Variants in RUSF1 observed in about 807,000 individuals in gnomAD.
The protein encoded by RUSF1 is RUS family member 1.
A neutral mutation model predicts 63.0 loss-of-function variants in RUSF1; 58 were observed. The observed-to-expected ratio is 0.92, with a 90% CI of 0.75 to 1.15. The LOEUF is 1.15. RUSF1 is among the 50% of genes most tolerant of loss of function. RUSF1 has a pLI of 0.00. For missense variants in RUSF1, 652 were observed against 611.0 expected, an observed-to-expected ratio of 1.07 and a Z score of -0.71; for synonymous variants, 274 against 255.8, an observed-to-expected ratio of 1.07 and a Z score of -0.68.
intron 6 of RUSF1, among the ~76,000 whole-genome samples, chr16:31,494,955 T>C (rs1422749596): frequency 6.6e-6 from 1 of 152,208 alleles, no homozygotes; most frequent in African/African-American, 2.4e-5. Flanking sequence ...ATAACAGGCA[T>C]GAGCTGGAAT....
At chr16:31,507,312 C>A (rs1338212478) in intron 2 of RUSF1, among the ~76,000 whole-genome samples, 4 of 152,192 alleles carry the variant, frequency 2.6e-5, no homozygotes, top group African/African-American at 7.2e-5. Flanking sequence ...TTATTTACAG[C>A]ATCATCTGGT....
At chr16:31,498,676 G>GC (rs1368212622) in intron 5 of RUSF1, among the ~76,000 whole-genome samples, 1 of 152,050 alleles carries the variant, frequency 6.6e-6, no homozygotes, top group Non-Finnish European at 1.5e-5. Context: ...CTTGAGCCCC[G>GC]CGTGTCCCCC....
At chr16:31,499,436 G>C in intron 4 of RUSF1, 29 bp from the exon 5 acceptor site, 4 of 1,613,500 alleles carry the variant, frequency 2.5e-6, no homozygotes, top group Non-Finnish European at 3.4e-6. Context: ...TTAGAGGTCA[G>C]AGGTAGGAGA....
At position 31,492,117 on chromosome 16, in the gene RUSF1, T is replaced by C. The variant is rs906073748; in HGVS notation, c.1232-31A>G. 3.1e-6 allele frequency: 5 copies of C among 1,614,038 alleles called. No individual in the cohort carries two copies. The East Asian group carries it at 1.1e-4, about 36-fold the overall frequency. On this transcript the variant is annotated intron_variant, in intron 11 of 12. Coordinates refer to ENST00000327237, the MANE Select transcript of RUSF1 (RefSeq NM_022744.4). ...TACGGGGGTGCAGAACCAGAAGCTC[T>C]GTGTCCTCCAGCAGGACAGAGTTTG...
rs757469444 is a variant in RUSF1 at position 31,499,474 on chromosome 16, C to G, written c.494+19G>C. The G allele has an allele frequency of 3.1e-6, 5 of 1,594,264 alleles. No homozygotes were observed. The highest frequency in any genetic ancestry group is 4.3e-6 in the Non-Finnish European group (5 of 1,164,328). On this transcript the variant is annotated intron_variant, in intron 4 of 12. Transcript: ENST00000327237. ...TTCATAATGGAAGACTCCCCTCCCCCGTCCCCGCCCCTCCTCACCTCCACT... is the reference window on the plus strand; with the variant it reads ...TTCATAATGGAAGACTCCCCTCCCCGGTCCCCGCCCCTCCTCACCTCCACT...
chr16:31,504,515 G>A (rs1022596402), intron 2 of RUSF1, among the ~76,000 whole-genome samples: 2 of 151,980 alleles, frequency 1.3e-5, no homozygotes, highest in African/African-American at 4.8e-5. Flanking sequence ...CTGATCTGCC[G>A]ACCTTGGCCC....
At chr16:31,492,903 G>A (rs1047253958) in intron 10 of RUSF1, 75 bp downstream of exon 10, 15 of 1,460,960 alleles carry the variant, frequency 1.0e-5, no homozygotes, top group Non-Finnish European at 1.3e-5. Context: ...CCCAGAGCTC[G>A]GGGCCCTAGG....
At chr16:31,503,401 A>G (rs2082642154) in intron 2 of RUSF1, among the ~76,000 whole-genome samples, 1 of 152,248 alleles carries the variant, frequency 6.6e-6, no homozygotes. Context: ...GCTGCTGCAG[A>G]GATCAAGACA....
At chr16:31,508,020 T>C (rs934333054) in intron 1 of RUSF1, 54 bp downstream of exon 1, 110 of 1,555,962 alleles carry the variant, frequency 7.1e-5, no homozygotes, top group Non-Finnish European at 9.1e-5. Flanking sequence ...CCGTCCATTA[T>C]TGGGGAGGGA....
At position 31,507,877 on chromosome 16, in the gene RUSF1, G is replaced by A. The variant is rs750030779; in HGVS notation, c.302C>T (p.Ala101Val). The A allele has an allele frequency of 1.3e-6, 2 of 1,555,940 alleles. No homozygotes were observed. Among genetic ancestry groups the A allele is most frequent in the African/African-American group, 2.7e-5 (2 of 73,262 alleles). ...GGAGCCGGAGAGGCTGGAAGCAAAC[G>A]CCTGGAGAAGAAAACAAGTAGGGTG... ...LPYQLWDSVQ[A>V]FASSLSGSLA... The change falls in exon 2 of 13, where the codon GCG becomes GTG. Residue 101 changes from alanine (A) to valine (V), a missense_variant and splice_region_variant. Physicochemically the swap from Ala to Val is moderately conservative, Grantham distance 64. Transcript: ENST00000327237.
In RUSF1 at chr16:31,492,015, A is replaced by G. The variant is rs1275138350; in HGVS notation, c.1303T>C (p.Leu435=). 2 of 1,614,144 alleles carry G rather than the reference A, an allele frequency of 1.2e-6. No homozygotes were observed. The highest frequency in any genetic ancestry group is 1.7e-6 in the Non-Finnish European group (2 of 1,179,988). Residue 435 remains leucine, a synonymous_variant, in exon 12 of 13, where the codon TTG becomes CTG. Transcript: ENST00000327237. ...ATGGGCTGAGGGATGTTACCTTTCA[A>G]GAACTTTGGGAACAGCATGTCCAAC... is the stretch of plus-strand genomic sequence containing the variant. ...EVLDMLFPKF[L]KGLQDAGWKT... is the part of the protein sequence containing the mutation.
intron 2 of RUSF1, among the ~76,000 whole-genome samples, chr16:31,505,677 G>A (rs2082655385): frequency 6.6e-6 from 1 of 152,216 alleles, no homozygotes; most frequent in East Asian, 1.9e-4. Flanking sequence ...CATTCATAAC[G>A]GAACAAGAAA....
chr16:31,490,209 G>A lies in RUSF1; in HGVS notation c.*626C>T. ...ACTCCCTGTACAGAATGGGTGCCCA[G>A]AGAGTGCCATGGAGATGAATGGTAG... is the stretch of plus-strand genomic sequence containing the variant. On this transcript the variant is annotated 3_prime_UTR_variant, in exon 13 of 13. Transcript: ENST00000327237. The A allele has an allele frequency of 6.2e-6, 10 of 1,614,178 alleles. No individual in the cohort carries two copies. Among genetic ancestry groups the A allele is most frequent in the Non-Finnish European group, 8.5e-6 (10 of 1,180,020 alleles).
At chr16:31,499,150 A>G in intron 5 of RUSF1, 152 bp downstream of exon 5, 1 of 707,890 alleles carries the variant, frequency 1.4e-6, no homozygotes, top group Non-Finnish European at 2.4e-6. Flanking sequence ...GTCTGGCTGG[A>G]GGAGGGTCAG....
intron 3 of RUSF1, 76 bp from the exon 4 acceptor site, chr16:31,499,601 AC>A: frequency 1.4e-6 from 2 of 1,407,750 alleles, no homozygotes; most frequent in Non-Finnish European, 1.9e-6. Context: ...GGAGTCTTGG[AC>A]CACAGTAAAG....
At chr16:31,504,739 T>C (rs868769222) in intron 2 of RUSF1, among the ~76,000 whole-genome samples, 3 of 152,238 alleles carry the variant, frequency 2.0e-5, no homozygotes, top group East Asian at 1.9e-4. Context: ...TGTGTCTATG[T>C]AGAAGAGGAG....
chr16:31,492,502 T>C (rs116145938), intron 10 of RUSF1, among the ~76,000 whole-genome samples, 162 bp from the exon 11 acceptor site: 1 of 152,172 alleles, frequency 6.6e-6, no homozygotes, highest in African/African-American at 2.4e-5. Context: ...TGCTCCCCAA[T>C]GTTCGGGCCA....
chr16:31,494,776 A>G (rs1386829061), intron 6 of RUSF1, among the ~76,000 whole-genome samples: 3 of 151,628 alleles, frequency 2.0e-5, no homozygotes, highest in Non-Finnish European at 4.4e-5. Context: ...CAGTGGTGCA[A>G]TCATAACTCA....
chr16:31,503,441 G>A lies in RUSF1; in HGVS notation c.416-2710C>T, dbSNP rs117803319. Among the ~76,000 whole-genome samples, 1,231 of 152,212 alleles carry A rather than the reference G, an allele frequency of 8.1e-3. 17 individuals carry two copies. Among genetic ancestry groups the A allele is most frequent in the Non-Finnish European group, 0.012 (800 of 68,018 alleles). On this transcript the variant is annotated intron_variant, in intron 2 of 12. Transcript: ENST00000327237. ...TTACATGTAACCATACAAAATGTGT[G>A]GCTTAAGGTAGGTTGCCAAAATATT...
Sources: allele counts gnomAD v4.1 joint callset (sites outside exome capture counted in the v4.1 genomes callset), GRCh38; gene constraint gnomAD v4.1.1; transcripts MANE v1.5; gene names NCBI Gene and HGNC (gene_info 2026-07-23, HGNC 2026-07-21).